CHIC2: variants seen among roughly 807,000 people sequenced by gnomAD.
CHIC2 encodes cysteine rich hydrophobic domain 2.
CHIC2 carries 14 observed loss-of-function variants against 25.9 expected under a neutral mutation model. That is an observed-to-expected ratio of 0.54 (90% CI 0.36 to 0.85). CHIC2 has a LOEUF of 0.85. CHIC2 is among the 40% of genes least tolerant of loss of function. The probability of loss-of-function intolerance (pLI) is 0.01; values close to 1 mark genes in which losing one functional copy is unlikely to be tolerated. For synonymous variants in CHIC2, 70 were observed against 72.0 expected (o/e 0.97, Z 0.14); for missense variants, 146 against 202.0 (o/e 0.72, Z 1.68).
chr4:54,011,633 AAT>A (rs1715592654), intron 5 of CHIC2, among the ~76,000 whole-genome samples: 3 of 152,202 alleles, frequency 2.0e-5, no homozygotes. Flanking sequence ...CACACTTTAT[AAT>A]ATACACTTTT....
the CHIC2 span, among the ~76,000 whole-genome samples, chr4:54,085,379 G>T: frequency 6.6e-6 from 1 of 152,184 alleles, no homozygotes; most frequent in Non-Finnish European, 1.5e-5. Flanking sequence ...GAAGACAATG[G>T]TGCTGTGTAT....
At chr4:54,013,713 C>T (rs954496320) in intron 5 of CHIC2, 124 bp downstream of exon 5, 13 of 852,622 alleles carry the variant, frequency 1.5e-5, no homozygotes, top group Non-Finnish European at 2.3e-5. Context: ...CGTAGAAAAT[C>T]CTTGCACTCA....
chr4:54,075,831 A>T, the CHIC2 span, among the ~76,000 whole-genome samples: 1 of 152,196 alleles, frequency 6.6e-6, no homozygotes, highest in Non-Finnish European at 1.5e-5. Context: ...TACAGATGTG[A>T]GCCACTGTGC....
chr4:54,040,256 G>T (rs1227931799), intron 3 of CHIC2, among the ~76,000 whole-genome samples: 2 of 152,142 alleles, frequency 1.3e-5, no homozygotes, highest in African/African-American at 4.8e-5. Flanking sequence ...AATTTGGAAG[G>T]TCTAAAAAAT....
chr4:54,065,311 C>A (rs536368716), upstream of CHIC2: 10 of 984,524 alleles, frequency 1.0e-5, no homozygotes, highest in African/African-American at 1.7e-4. Flanking sequence ...TACCTGGATT[C>A]CATATTAGAA....
intron 1 of CHIC2, among the ~76,000 whole-genome samples, chr4:54,056,334 A>C (rs1473822509): frequency 1.2e-4 from 19 of 152,218 alleles, no homozygotes; most frequent in Non-Finnish European, 2.6e-4. Flanking sequence ...TGATTTATAC[A>C]TATTTTAGAA....
At chr4:54,030,874 G>A (rs992370119) in intron 3 of CHIC2, among the ~76,000 whole-genome samples, 1 of 149,832 alleles carries the variant, frequency 6.7e-6, no homozygotes, top group Non-Finnish European at 1.5e-5. Context: ...AATTAACATT[G>A]AGAATTTTTT....
At chr4:54,088,964 C>T in the CHIC2 span, among the ~76,000 whole-genome samples, 1 of 152,124 alleles carries the variant, frequency 6.6e-6, no homozygotes, top group Non-Finnish European at 1.5e-5. Context: ...GCAACAGAGA[C>T]CTGAGGGTAA....
the CHIC2 span, among the ~76,000 whole-genome samples, chr4:54,072,008 A>G: frequency 6.6e-6 from 1 of 151,062 alleles, no homozygotes; most frequent in South Asian, 2.1e-4. Context: ...AAAGTATCTA[A>G]TTTAGGCTGG....
At chr4:54,069,613 G>A in the CHIC2 span, among the ~76,000 whole-genome samples, 1 of 152,176 alleles carries the variant, frequency 6.6e-6, no homozygotes, top group Non-Finnish European at 1.5e-5. Flanking sequence ...CCCTTCTGGT[G>A]ATCAGCTCTC....
chr4:54,079,978 A>G, the CHIC2 span, among the ~76,000 whole-genome samples: 1 of 151,902 alleles, frequency 6.6e-6, no homozygotes, highest in Non-Finnish European at 1.5e-5. Context: ...TATATGATCC[A>G]GCAATCCCAC....
chr4:54,043,436 A>C (rs996548151), intron 3 of CHIC2, among the ~76,000 whole-genome samples: 11 of 151,810 alleles, frequency 7.2e-5, no homozygotes, highest in Non-Finnish European at 1.5e-4. Flanking sequence ...AAAAAAAAAA[A>C]AAAGAAACAC....
chr4:54,065,370 G>A (rs1717490982), upstream of CHIC2: 2 of 959,326 alleles, frequency 2.1e-6, no homozygotes. Context: ...CCTGGTTTTT[G>A]TTGTTGTTTC....
intron 3 of CHIC2, among the ~76,000 whole-genome samples, chr4:54,030,975 G>C (rs557826499): frequency 1.3e-3 from 194 of 151,652 alleles, no homozygotes; most frequent in Non-Finnish European, 2.1e-3. Flanking sequence ...CGCCTCCCAG[G>C]TTAAAGCAAT....
At chr4:54,021,229 C>T (rs1298567317) in intron 3 of CHIC2, among the ~76,000 whole-genome samples, 1 of 152,168 alleles carries the variant, frequency 6.6e-6, no homozygotes, top group Non-Finnish European at 1.5e-5. Flanking sequence ...ATCCATTTTA[C>T]AAGATCTAGA....
chr4:54,019,405 A>G (rs1715832462), intron 3 of CHIC2, among the ~76,000 whole-genome samples: 1 of 152,196 alleles, frequency 6.6e-6, no homozygotes, highest in South Asian at 2.1e-4. Context: ...GTTAAAAGTA[A>G]TATTTTTAGA....
At chr4:54,047,875 T>A (rs531228973) in intron 3 of CHIC2, among the ~76,000 whole-genome samples, 66 of 151,490 alleles carry the variant, frequency 4.4e-4, no homozygotes, top group South Asian at 2.5e-3. Context: ...TTTAAAAAAA[T>A]TTTTTTAAAG....
At chr4:54,072,163 C>T in the CHIC2 span, among the ~76,000 whole-genome samples, 13 of 151,946 alleles carry the variant, frequency 8.6e-5, no homozygotes, top group Admixed American at 6.6e-4. Flanking sequence ...TGTCATGGCG[C>T]GTGGTGGTGA....
At chr4:54,046,382 G>A (rs1193391108) in intron 3 of CHIC2, among the ~76,000 whole-genome samples, 17 of 152,028 alleles carry the variant, frequency 1.1e-4, no homozygotes, top group Admixed American at 6.6e-4. Flanking sequence ...GAGGCATCAC[G>A]CTACCTGACT....
Sources: gnomAD v4.1 joint callset for allele counts (sites outside exome capture counted in the v4.1 genomes callset) on GRCh38, gnomAD v4.1.1 for gene constraint, MANE v1.5 for transcripts, NCBI Gene and HGNC (gene_info 2026-07-23, HGNC 2026-07-21) for gene names.